The following PCDH15 variants were observed in gnomAD, a reference collection of about 807,000 sequenced individuals.
The protein encoded by PCDH15 is protocadherin-15.
In PCDH15, 129 loss-of-function variants were observed where a neutral mutation model predicts 178.5. The observed-to-expected ratio is 0.72, with a 90% CI of 0.63 to 0.84. PCDH15 has a LOEUF of 0.84. Ranked by LOEUF, PCDH15 falls within the 40% of genes least tolerant of loss-of-function variation. PCDH15 has a pLI of 0.00. For synonymous variants in PCDH15, 800 were observed against 732.0 expected, an observed-to-expected ratio of 1.09 and a Z score of -1.50; for missense variants, 2,230 against 2,099.9, an observed-to-expected ratio of 1.06 and a Z score of -1.21.
intron 2 of PCDH15, among the ~76,000 whole-genome samples, chr10:54,558,535 G>A (rs953631820): frequency 6.6e-6 from 1 of 151,880 alleles, no homozygotes; most frequent in Non-Finnish European, 1.5e-5. Context: ...CCCCACACAC[G>A]TTAAGTACCT....
chr10:55,061,332 G>A lies in PCDH15; in HGVS notation c.-80+105244C>T, dbSNP rs146210657. ...ACATTCCACATCATATATCACAAAGGAAATGCAAATTAGAACAACAAGTAG... is the reference window on the plus strand; with the variant it reads ...ACATTCCACATCATATATCACAAAGAAAATGCAAATTAGAACAACAAGTAG... On this transcript the variant is annotated intron_variant, in intron 2 of 5. Coordinates refer to the PCDH15 transcript ENST00000458638. 1.4e-3 allele frequency among the ~76,000 whole-genome samples: 207 copies of A among 152,160 alleles called. 1 individual carries two copies. Among genetic ancestry groups the A allele is most frequent in the African/African-American group, 4.6e-3 (193 of 41,534 alleles).
chr10:54,744,574 C>G (rs1945223234), intron 1 of PCDH15, among the ~76,000 whole-genome samples: 1 of 151,894 alleles, frequency 6.6e-6, no homozygotes. Flanking sequence ...ATGTTAATTA[C>G]TCAGTAAAAA....
chr10:55,340,651 ATAAC>A (rs1355650732), intron 2 of PCDH15, among the ~76,000 whole-genome samples: 4 of 152,062 alleles, frequency 2.6e-5, no homozygotes, highest in African/African-American at 4.8e-5. Context: ...AACTTAATAA[ATAAC>A]TAAAGCAGAT....
In PCDH15 at chr10:54,317,373, T is replaced by A; in HGVS notation, c.774A>T (p.Gly258=). ...TTTLTVDVLD[G]DDLGPMFLPC... ...GAAGAAACATTGGACCCAAGTCATC[T>A]CCATCCAGAACATCCACTGTGAGAG... The change falls in exon 8 of 38, where the codon GGA becomes GGT. Residue 258 remains glycine, a synonymous_variant. Coordinates refer to ENST00000644397, the MANE Select transcript of PCDH15 (RefSeq NM_001384140.1). 6.2e-7 allele frequency: 1 copy of A among 1,614,044 alleles called. No homozygotes were observed. The highest frequency in any genetic ancestry group is 2.2e-5 in the East Asian group (1 of 44,864).
intron 1 of PCDH15, among the ~76,000 whole-genome samples, chr10:55,242,087 G>A (rs1841557808): frequency 6.6e-6 from 1 of 152,152 alleles, no homozygotes; most frequent in Non-Finnish European, 1.5e-5. Flanking sequence ...AACATAGACT[G>A]CACGTGCACA....
intron 2 of PCDH15, among the ~76,000 whole-genome samples, chr10:54,993,614 A>T (rs1334647403): frequency 6.6e-6 from 1 of 152,066 alleles, no homozygotes; most frequent in Non-Finnish European, 1.5e-5. Context: ...TGATGAATGA[A>T]CTAGAGGTAA....
At chr10:54,066,610 T>C in intron 18 of PCDH15, 147 bp downstream of exon 18, 1 of 646,814 alleles carries the variant, frequency 1.5e-6, no homozygotes. Context: ...ATATATAGGA[T>C]ATGATTCATT....
intron 27 of PCDH15, among the ~76,000 whole-genome samples, chr10:53,859,284 C>T (rs2078953099): frequency 1.3e-5 from 2 of 152,160 alleles, no homozygotes; most frequent in Admixed American, 6.6e-5. Context: ...TTCCTAATTC[C>T]ACCATCTGTT....
At chr10:53,988,040 T>C (rs1229800901) in intron 21 of PCDH15, among the ~76,000 whole-genome samples, 1 of 152,230 alleles carries the variant, frequency 6.6e-6, no homozygotes, top group African/African-American at 2.4e-5. Context: ...ACGTTTCTTT[T>C]TTAAGCTCTT....
At chr10:54,432,262 GC>G (rs1342972026) in intron 3 of PCDH15, among the ~76,000 whole-genome samples, 1 of 146,934 alleles carries the variant, frequency 6.8e-6, no homozygotes, top group Admixed American at 6.9e-5. Flanking sequence ...AAGAACCAAA[GC>G]TATCAAAAAA....
chr10:54,395,987 G>A (rs527932527), intron 3 of PCDH15, among the ~76,000 whole-genome samples: 2 of 152,104 alleles, frequency 1.3e-5, no homozygotes, highest in Non-Finnish European at 2.9e-5. Flanking sequence ...AGGATGGTTT[G>A]GCATAAGGTT....
At chr10:53,930,891 A>G (rs2926394) in intron 25 of PCDH15, among the ~76,000 whole-genome samples, 7,118 of 152,268 alleles carry the variant, frequency 0.047, 512 homozygotes, top group African/African-American at 0.16. Flanking sequence ...GGCTTTCTGT[A>G]CAGCAAGCAG....
intron 3 of PCDH15, among the ~76,000 whole-genome samples, chr10:54,411,373 T>C (rs1195402651): frequency 6.6e-6 from 1 of 152,178 alleles, no homozygotes; most frequent in Non-Finnish European, 1.5e-5. Context: ...CACTGACTTT[T>C]TAAAATAAAA....
intron 2 of PCDH15, among the ~76,000 whole-genome samples, chr10:55,620,624 C>T (rs113381255): frequency 2.6e-5 from 4 of 151,590 alleles, no homozygotes; most frequent in African/African-American, 9.7e-5. Flanking sequence ...AATATTTGCA[C>T]CCTAAAAATT....
intron 2 of PCDH15, among the ~76,000 whole-genome samples, chr10:55,592,487 A>G (rs983456403): frequency 1.2e-4 from 19 of 152,142 alleles, no homozygotes; most frequent in African/African-American, 4.6e-4. Context: ...ATTTTAGTAA[A>G]TTATTTACCT....
chr10:54,143,334 C>A (rs1348549526), intron 14 of PCDH15, among the ~76,000 whole-genome samples: 1 of 152,076 alleles, frequency 6.6e-6, no homozygotes, highest in Non-Finnish European at 1.5e-5. Flanking sequence ...AACCAAATTT[C>A]TTTATCTACT....
intron 2 of PCDH15, among the ~76,000 whole-genome samples, chr10:55,559,164 A>G (rs1313231866): frequency 6.6e-6 from 1 of 152,046 alleles, no homozygotes; most frequent in African/African-American, 2.4e-5. Flanking sequence ...GGCACATCAC[A>G]GATGATCAGG....
intron 3 of PCDH15, among the ~76,000 whole-genome samples, chr10:54,808,907 A>AT (rs1475907979): frequency 6.6e-6 from 1 of 151,578 alleles, no homozygotes; most frequent in African/African-American, 2.4e-5. Context: ...TTTTAGGCTG[A>AT]TTTAGCTCTA....
At chr10:54,287,952 T>C (rs896190341) in intron 8 of PCDH15, among the ~76,000 whole-genome samples, 6 of 152,176 alleles carry the variant, frequency 3.9e-5, no homozygotes, top group Admixed American at 1.3e-4. Flanking sequence ...CTTATCATTA[T>C]AGGCACTTCA....
Sources: gnomAD v4.1 joint callset for allele counts (sites outside exome capture counted in the v4.1 genomes callset) on GRCh38, gnomAD v4.1.1 for gene constraint, MANE v1.5 for transcripts, NCBI Gene and HGNC (gene_info 2026-07-23, HGNC 2026-07-21) for gene names.